The following DPYSL2 variants were observed in gnomAD, a reference collection of about 807,000 sequenced individuals.
DPYSL2 encodes dihydropyrimidinase like 2.
In DPYSL2, 13 loss-of-function variants were observed where a neutral mutation model predicts 69.9. That is an observed-to-expected ratio of 0.19 (90% CI 0.12 to 0.30). The LOEUF (loss-of-function observed/expected upper bound fraction) is 0.30. Among genes scored for constraint, DPYSL2 ranks in the 10% least tolerant of loss-of-function variants. The probability of loss-of-function intolerance (pLI) is 1.00; values close to 1 mark genes in which losing one functional copy is unlikely to be tolerated. For missense variants in DPYSL2, 587 were observed against 918.9 expected, an observed-to-expected ratio of 0.64 and a Z score of 4.67; for synonymous variants, 326 against 359.1, an observed-to-expected ratio of 0.91 and a Z score of 1.04.
chr8:26,634,666 C>T, intron 7 of DPYSL2, 114 bp from the exon 8 acceptor site: 15 of 1,567,034 alleles, frequency 9.6e-6, no homozygotes, highest in Non-Finnish European at 1.2e-5. Flanking sequence ...GGGGTAGGAC[C>T]TTGGAGACCA....
rs1009085759 is a variant in DPYSL2 at position 26,648,795 on chromosome 8, A to G, written c.1596+995A>G. ...TCCCAGTCCTCTCTCATTTGCACAC[A>G]CAGAGGTGTTTGGGCTGCAATGGGC... On this transcript the variant is annotated intron_variant, in intron 11 of 13. Coordinates refer to ENST00000521913, the MANE Select transcript of DPYSL2 (RefSeq NM_001197293.3). This position sits in a 1 kb window ranked among gnomAD's most constrained non-coding sequence, Gnocchi z 4.3. 4.6e-5 allele frequency among the ~76,000 whole-genome samples: 7 copies of G among 152,160 alleles called. No individual in the cohort carries two copies. The highest frequency in any genetic ancestry group is 1.7e-4 in the African/African-American group (7 of 41,426).
In DPYSL2 at chr8:26,517,345, C is replaced by G. The variant is rs1585484104; in HGVS notation, c.354+2666C>G. On this transcript the variant is annotated intron_variant, in intron 1 of 13. Coordinates refer to ENST00000521913, the MANE Select transcript of DPYSL2 (RefSeq NM_001197293.3). The surrounding 1 kb of genome is among the most constrained non-coding windows in gnomAD (Gnocchi z 4.2). ...TATTCAGAGTATGAGCCAGACAGCACCAGAAAGCGATGGGTGTGGCTTGAC... is the reference window on the plus strand; with the variant it reads ...TATTCAGAGTATGAGCCAGACAGCAGCAGAAAGCGATGGGTGTGGCTTGAC... Among the ~76,000 whole-genome samples the G allele has an allele frequency of 6.6e-6, 1 of 152,286 alleles. No homozygotes were observed. The highest frequency in any genetic ancestry group is 1.9e-4 in the East Asian group (1 of 5,178).
intron 1 of DPYSL2, among the ~76,000 whole-genome samples, chr8:26,549,873 A>G (rs1390797411): frequency 4.6e-5 from 7 of 152,338 alleles, no homozygotes; most frequent in African/African-American, 1.7e-4. Flanking sequence ...ATAAATGTTG[A>G]GAGAATTTGT....
At chr8:26,522,422 C>G (rs1338745261) in intron 1 of DPYSL2, among the ~76,000 whole-genome samples, 3 of 152,202 alleles carry the variant, frequency 2.0e-5, no homozygotes, top group African/African-American at 7.2e-5. Flanking sequence ...CGAGGAACTT[C>G]CACACTCTTT....
rs1223851356 is a variant in DPYSL2, at chr8:26,591,326, C to T, written c.628+7343C>T. 6.6e-6 allele frequency among the ~76,000 whole-genome samples: 1 copy of T among 152,148 alleles called. No individual in the cohort carries two copies. Among genetic ancestry groups the T allele is most frequent in the African/African-American group, 2.4e-5 (1 of 41,428 alleles). Reference sequence around the variant, plus strand: ...CTAGGCTCCAGCAAGTTCTGCCTGACCTTTGGATGTGAGGGTCAGGCATTC... The same window carrying T: ...CTAGGCTCCAGCAAGTTCTGCCTGATCTTTGGATGTGAGGGTCAGGCATTC... On this transcript the variant is annotated intron_variant, in intron 3 of 13. Coordinates refer to ENST00000521913, the MANE Select transcript of DPYSL2 (RefSeq NM_001197293.3). The surrounding 1 kb of genome is among the most constrained non-coding windows in gnomAD (Gnocchi z 5.8).
chr8:26,630,397 A>G (rs1391344938), intron 7 of DPYSL2, among the ~76,000 whole-genome samples: 5 of 106,492 alleles, frequency 4.7e-5, no homozygotes, highest in East Asian at 3.5e-4. Context: ...CTTTGTTCCC[A>G]GGGCTTTGTT....
At chr8:26,541,330 A>G (rs946552601) in intron 1 of DPYSL2, among the ~76,000 whole-genome samples, 2 of 152,216 alleles carry the variant, frequency 1.3e-5, no homozygotes, top group Non-Finnish European at 2.9e-5. Flanking sequence ...TGATGGAGAG[A>G]TAGTTTTTCT....
intron 1 of DPYSL2, among the ~76,000 whole-genome samples, chr8:26,568,987 C>T (rs1193149231): frequency 1.3e-5 from 2 of 152,166 alleles, no homozygotes; most frequent in Non-Finnish European, 2.9e-5. Flanking sequence ...TCTGCTCGCT[C>T]TGCCTTGGAT....
At position 26,570,741 on chromosome 8, in the gene DPYSL2, G is replaced by GAAA. The variant is rs572040580; in HGVS notation, c.355-11207_355-11205dup. ...AGAGTGAGACTCAGTCTTAGAAAAG[G>GAAA]AAAAAAAAAAAAAAAAAAAAAAAGA... On this transcript the variant is annotated intron_variant, in intron 1 of 13. Transcript: ENST00000521913. Among the ~76,000 whole-genome samples the GAAA allele has an allele frequency of 1.0e-4, 11 of 108,284 alleles. 1 individual carries two copies. The highest frequency in any genetic ancestry group is 2.0e-4 in the Non-Finnish European group (11 of 54,344). The allele number at this position is 108,284 out of a possible 152,430, so 71.0% of individuals were successfully genotyped here. A position where few individuals can be genotyped will look rare whatever the true frequency, so the allele number is the denominator to read the frequency against.
At chr8:26,630,638 G>T (rs1374161727) in intron 7 of DPYSL2, among the ~76,000 whole-genome samples, 1 of 152,196 alleles carries the variant, frequency 6.6e-6, no homozygotes, top group East Asian at 1.9e-4. Context: ...AGGCTGCATG[G>T]CTGTATTCAG....
rs184670657 is a variant in DPYSL2 at position 26,649,636 on chromosome 8, T to A, written c.1596+1836T>A. On this transcript the variant is annotated intron_variant, in intron 11 of 13. Transcript: ENST00000521913. ...CTGGGAAAATGCAACCAGGAGACTT[T>A]CCCTGCATAGTACAGTGTTTCCTAC... 1.4e-3 allele frequency among the ~76,000 whole-genome samples: 208 copies of A among 152,352 alleles called. 2 individuals are homozygous for A. Among genetic ancestry groups the A allele is most frequent in the African/African-American group, 4.7e-3 (197 of 41,580 alleles).
At chr8:26,631,210 A>G (rs1469684386) in intron 7 of DPYSL2, among the ~76,000 whole-genome samples, 1 of 152,230 alleles carries the variant, frequency 6.6e-6, no homozygotes, top group Non-Finnish European at 1.5e-5. Context: ...CTGTAAAGAA[A>G]TACGTGAGAC....
chr8:26,578,104 T>C, intron 1 of DPYSL2: 1 of 1,513,592 alleles, frequency 6.6e-7, no homozygotes, highest in Non-Finnish European at 8.8e-7. Flanking sequence ...GTTCTTGAAA[T>C]TTCCTAATAG....
Position 26,653,602 on chromosome 8 carries a change from A to T in DPYSL2, c.1942+205A>T, listed in dbSNP as rs1803323192. ...GAGGCAGGGTCTCGCTCTGTTACCC[A>T]GACTGGAGTGCAATGGCACGACCTT... On this transcript the variant is annotated intron_variant, in intron 13 of 13. Transcript: ENST00000521913. This position sits in a 1 kb window ranked among gnomAD's most constrained non-coding sequence, Gnocchi z 5.7. Among the ~76,000 whole-genome samples the T allele has an allele frequency of 6.6e-6, 1 of 152,180 alleles. No individual in the cohort carries two copies. The highest frequency in any genetic ancestry group is 2.1e-4 in the South Asian group (1 of 4,824).
chr8:26,655,652 C>A lies in DPYSL2; in HGVS notation c.1980C>A (p.Thr660=). ...QIDDNIPRRT[T]QRIVAPPGGR... ...ATGACAACATTCCCCGCCGCACCAC[C>A]CAGCGTATCGTGGCGCCCCCCGGTG... Residue 660 remains threonine, a synonymous_variant, in exon 14 of 14, where the codon ACC becomes ACA. Transcript: ENST00000521913. 6.2e-7 allele frequency: 1 copy of A among 1,610,664 alleles called. No individual in the cohort carries two copies. The highest frequency in any genetic ancestry group is 8.5e-7 in the Non-Finnish European group (1 of 1,179,554).
rs1214887410 is a variant in DPYSL2 at position 26,617,567 on chromosome 8, T to G, written c.629-6576T>G. Reference sequence around the variant, plus strand: ...TTAAATATGGCAAACTCCAAACGGGTCTTCTCTTTGAAGTTTTAGGGAGCA... The same window carrying G: ...TTAAATATGGCAAACTCCAAACGGGGCTTCTCTTTGAAGTTTTAGGGAGCA... On this transcript the variant is annotated intron_variant, in intron 3 of 13. Transcript: ENST00000521913. This position sits in a 1 kb window ranked among gnomAD's most constrained non-coding sequence, Gnocchi z 4.7. Among the ~76,000 whole-genome samples the G allele has an allele frequency of 6.6e-6, 1 of 152,130 alleles. No individual in the cohort carries two copies. Among genetic ancestry groups the G allele is most frequent in the Non-Finnish European group, 1.5e-5 (1 of 68,014 alleles).
intron 1 of DPYSL2, among the ~76,000 whole-genome samples, chr8:26,530,807 A>T (rs1186990586): frequency 1.3e-5 from 2 of 152,138 alleles, no homozygotes; most frequent in Non-Finnish European, 2.9e-5. Flanking sequence ...TTAGCAAATC[A>T]CCTATTTCTT....
intron 1 of DPYSL2, among the ~76,000 whole-genome samples, chr8:26,574,620 AT>A (rs1179812880): frequency 6.6e-6 from 1 of 152,250 alleles, no homozygotes; most frequent in Non-Finnish European, 1.5e-5. Context: ...TTTGGCATGA[AT>A]TTAATGTTTA....
rs1314199902 is a variant in DPYSL2, at chr8:26,514,399, C to A, written c.74C>A (p.Ser25Tyr). 2 of 1,515,798 alleles carry A rather than the reference C, an allele frequency of 1.3e-6. No homozygotes were observed. The highest frequency in any genetic ancestry group is 1.8e-6 in the Non-Finnish European group (2 of 1,138,426). 93.9% of individuals were successfully genotyped at this position (1,515,798 alleles called of 1,614,324 possible). A position where few individuals can be genotyped will look rare whatever the true frequency, so the allele number is the denominator to read the frequency against. The change falls in exon 1 of 14, where the codon TCC becomes TAC. Residue 25 changes from serine (S) to tyrosine (Y), a missense_variant. By Grantham distance (144) the Ser-to-Tyr change is moderately radical. Around this residue, in one of 3 missense-constraint regions of DPYSL2, gnomAD observed 50 missense variants for 86.8 expected, o/e 0.58. Transcript: ENST00000521913. This position sits in a 1 kb window ranked among gnomAD's most constrained non-coding sequence, Gnocchi z 8.4. ...EVPAFFKNLG[S>Y]GSPKPRQKFC... ...CCTGCTTTTTTTAAAAACCTGGGCT[C>A]CGGCAGCCCCAAGCCCCGGCAGAAA...
Sources: allele counts gnomAD v4.1 joint callset (sites outside exome capture counted in the v4.1 genomes callset), GRCh38; gene constraint gnomAD v4.1.1; regional missense constraint gnomAD v4.1.1; non-coding constraint Gnocchi (gnomAD v3.1); transcripts MANE v1.5; gene names NCBI Gene and HGNC (gene_info 2026-07-23, HGNC 2026-07-21).